The following PSG9 variants were observed in gnomAD, a reference collection of about 807,000 sequenced individuals.
PSG9 encodes pregnancy-specific beta-1-glycoprotein 9.
In PSG9, 49 loss-of-function variants were observed where a neutral mutation model predicts 41.9. That is an observed-to-expected ratio of 1.17 (90% CI 0.93 to 1.48). PSG9 has a LOEUF of 1.48. Ranked by LOEUF, PSG9 falls within the 40% of genes most tolerant of loss-of-function variation. The pLI, the probability that PSG9 is intolerant of heterozygous loss-of-function variation, is 0.00. For synonymous variants in PSG9, 263 were observed against 196.8 expected (o/e 1.34, Z -2.82); for missense variants, 641 against 520.3 (o/e 1.23, Z -2.26).
intron 3 of PSG9, among the ~76,000 whole-genome samples, chr19:43,261,549 C>A (rs1178164413): frequency 6.6e-6 from 1 of 152,130 alleles, no homozygotes; most frequent in African/African-American, 2.4e-5. Context: ...ACCCTGTGAG[C>A]CAAGTCGCAA....
chr19:43,260,559 T>G (rs929998377), intron 3 of PSG9: 2 of 147,002 alleles, frequency 1.4e-5, no homozygotes, highest in Admixed American at 6.8e-5. Context: ...ATACTGGCCA[T>G]GCTGCACTCA....
At position 43,253,575 on chromosome 19, in the gene PSG9, C is replaced by G. The variant is rs923064969; in HGVS notation, c.*34G>C. 5 of 730,434 alleles carry G rather than the reference C, an allele frequency of 6.8e-6. 1 individual carries two copies. The African/African-American group carries it at 7.6e-5, about 11-fold the overall frequency. 45.2% of individuals were successfully genotyped at this position (730,434 alleles called of 1,614,324 possible). A position where few individuals can be genotyped will look rare whatever the true frequency, so the allele number is the denominator to read the frequency against. ...GTCTTGAATTTCATGAAGGTATCAGCCTGTTCTTTTTCTCAGTGTCTCAGT... is the reference window on the plus strand; with the variant it reads ...GTCTTGAATTTCATGAAGGTATCAGGCTGTTCTTTTTCTCAGTGTCTCAGT... On this transcript the variant is annotated 3_prime_UTR_variant, in exon 6 of 6. Coordinates refer to ENST00000270077, the MANE Select transcript of PSG9 (RefSeq NM_002784.5).
At chr19:43,268,920 C>T (rs1293856082) in intron 1 of PSG9, among the ~76,000 whole-genome samples, 5 of 152,152 alleles carry the variant, frequency 3.3e-5, no homozygotes, top group Non-Finnish European at 7.4e-5. Context: ...TTACCAATTC[C>T]GGTTCAATGT....
At chr19:43,259,233 A>G in intron 3 of PSG9, 98 bp from the exon 4 acceptor site, 1 of 1,507,134 alleles carries the variant, frequency 6.6e-7, no homozygotes, top group Non-Finnish European at 8.9e-7. Flanking sequence ...CTCTCAGCCC[A>G]CCCGAGTCCT....
At position 43,258,296 on chromosome 19, in the gene PSG9, T is replaced by C. The variant is rs1968532803; in HGVS notation, c.1149A>G (p.Gln383=). Residue 383 remains glutamine, a synonymous_variant, in exon 5 of 6, where the codon CAA becomes CAG. Transcript: ENST00000270077. The part of the protein sequence containing the change: ...QQSGQKLFIP[Q]ITRNHSGLYA... Reference sequence around the variant, plus strand: ...AGAGCCCGCTATGATTTCTAGTAATTTGGGGGATAAAGAGCTTTTGTCCTG... The same window carrying C: ...AGAGCCCGCTATGATTTCTAGTAATCTGGGGGATAAAGAGCTTTTGTCCTG... 8 of 1,592,534 alleles carry C rather than the reference T, an allele frequency of 5.0e-6. No individual in the cohort carries two copies. The highest frequency in any genetic ancestry group is 5.3e-5 in the East Asian group (2 of 37,580).
chr19:43,269,337 C>T (rs777410416), intron 1 of PSG9, 31 bp downstream of exon 1: 5 of 1,613,042 alleles, frequency 3.1e-6, no homozygotes, highest in Admixed American at 3.3e-5. Flanking sequence ...GCTTCCTCCC[C>T]CTGTCCTCTC....
chr19:43,259,140 G>A lies in PSG9; in HGVS notation c.710-5C>T, dbSNP rs781049110. ...TGTAGGGGATGGGCAGCTTCGCTGT[G>A]TGGATAACAGAGAGAAGATTGTCCT... On this transcript the variant is annotated splice_region_variant and splice_polypyrimidine_tract_variant and intron_variant, in intron 3 of 5. Coordinates refer to ENST00000270077, the MANE Select transcript of PSG9 (RefSeq NM_002784.5). 11 of 1,589,434 alleles carry A rather than the reference G, an allele frequency of 6.9e-6. 1 individual carries two copies. In the South Asian group the frequency reaches 1.0e-4, roughly 14 times the overall value.
chr19:43,258,033 G>A (rs397839856), intron 5 of PSG9, 169 bp downstream of exon 5: 9 of 1,561,092 alleles, frequency 5.8e-6, no homozygotes, highest in Non-Finnish European at 6.9e-6. Flanking sequence ...GAAAAACAAG[G>A]AGAAGAGAGT....
chr19:43,264,651 G>A (rs1047266584), intron 2 of PSG9, among the ~76,000 whole-genome samples: 1 of 152,046 alleles, frequency 6.6e-6, no homozygotes, highest in Non-Finnish European at 1.5e-5. Context: ...TAGAGACAGG[G>A]TTTCACCCTG....
intron 4 of PSG9, 149 bp downstream of exon 4, chr19:43,258,708 G>A (rs1345407166): frequency 7.8e-6 from 11 of 1,402,336 alleles, no homozygotes; most frequent in South Asian, 1.4e-5. Context: ...GCCTACCCAG[G>A]TTTTCCCAGG....
Position 43,258,247 on chromosome 19 carries a change from C to A in PSG9, c.1198G>T (p.Ala400Ser). ...GATTTGGAGATTTCCTTGCCAGTGG[C>A]TGAGTTATGAACAGAGCAAGCATAG... is the stretch of plus-strand genomic sequence containing the variant. ...GLYACSVHNS[A>S]TGKEISKSMT... The change falls in exon 5 of 6, where the codon GCC becomes TCC. Residue 400 changes from alanine to serine, a missense_variant. By Grantham distance (99) the Ala-to-Ser change is moderately conservative. Coordinates refer to ENST00000270077, the MANE Select transcript of PSG9 (RefSeq NM_002784.5). 1 of 1,592,838 alleles carries A rather than the reference C, an allele frequency of 6.3e-7. No homozygotes were observed. Among genetic ancestry groups the A allele is most frequent in the Non-Finnish European group, 8.5e-7 (1 of 1,174,544 alleles).
chr19:43,267,565 C>G (rs1366636348), intron 2 of PSG9, among the ~76,000 whole-genome samples: 4 of 152,132 alleles, frequency 2.6e-5, no homozygotes, highest in African/African-American at 9.7e-5. Flanking sequence ...ACTGTCCTTC[C>G]TCTGCAGCGA....
At position 43,269,373 on chromosome 19, in the gene PSG9, A is replaced by G. The variant is rs746637584; in HGVS notation, c.59T>C (p.Leu20Pro). 2 of 1,613,380 alleles carry G rather than the reference A, an allele frequency of 1.2e-6. No homozygotes were observed. The highest frequency in any genetic ancestry group is 1.7e-6 in the Non-Finnish European group (2 of 1,179,658). The change falls in exon 1 of 6, where the codon CTC (leucine) becomes CCC (proline). Residue 20 changes from leucine (L) to proline (P), a missense_variant. By Grantham distance (98) the Leu-to-Pro change is moderately conservative. Transcript: ENST00000270077. ...TQRITWKGLL[L>P]TASLLNFWNP... The stretch of plus-strand genomic sequence containing the variant: ...CCAGGAAGTTCTCTCCTCACCTGTG[A>G]GCAGGAGCCCCTTCCAGGTGATGCG...
At chr19:43,255,237 C>A (rs1212253548) in intron 5 of PSG9, among the ~76,000 whole-genome samples, 3 of 146,264 alleles carry the variant, frequency 2.1e-5, no homozygotes, top group South Asian at 2.2e-4. Flanking sequence ...AATGGACCAA[C>A]TCCTAGAACC....
At chr19:43,269,295 A>G in intron 1 of PSG9, 73 bp downstream of exon 1, 1 of 1,607,818 alleles carries the variant, frequency 6.2e-7, no homozygotes, top group South Asian at 1.1e-5. Context: ...TTACAACCCC[A>G]TCCTCTCCAG....
intron 2 of PSG9, among the ~76,000 whole-genome samples, chr19:43,267,389 T>A (rs1190677339): frequency 6.6e-6 from 1 of 152,006 alleles, no homozygotes; most frequent in Non-Finnish European, 1.5e-5. Context: ...GGGACAGGGG[T>A]CTGGGGTTGA....
At chr19:43,268,792 T>C (rs1236863536) in intron 1 of PSG9, among the ~76,000 whole-genome samples, 3 of 152,142 alleles carry the variant, frequency 2.0e-5, no homozygotes, top group East Asian at 3.9e-4. Context: ...GTGTTTCATG[T>C]CCTGCTTATA....
intron 2 of PSG9, among the ~76,000 whole-genome samples, chr19:43,266,232 G>A (rs148642567): frequency 0.072 from 10,907 of 151,912 alleles, 896 homozygotes; most frequent in African/African-American, 0.2. Context: ...TGGCCAAAGA[G>A]CTTCAGAGTT....
intron 2 of PSG9, among the ~76,000 whole-genome samples, chr19:43,264,519 A>G (rs1599836034): frequency 6.6e-6 from 1 of 151,976 alleles, no homozygotes; most frequent in South Asian, 2.1e-4. Flanking sequence ...GTGCAGTGGC[A>G]TGATCTCAGC....
Sources: allele counts gnomAD v4.1 joint callset (sites outside exome capture counted in the v4.1 genomes callset), GRCh38; gene constraint gnomAD v4.1.1; transcripts MANE v1.5; gene names NCBI Gene and HGNC (gene_info 2026-07-23, HGNC 2026-07-21).